The following ST6GALNAC3 variants were observed in gnomAD, a reference collection of about 807,000 sequenced individuals.
The protein encoded by ST6GALNAC3 is ST6 N-acetylgalactosaminide alpha-2,6-sialyltransferase 3, also known as alpha-N-acetylgalactosaminide alpha-2,6-sialyltransferase 3.
ST6GALNAC3 carries 25 observed loss-of-function variants against 32.7 expected under a neutral mutation model. That is an observed-to-expected ratio of 0.76 (90% CI 0.56 to 1.07). The LOEUF is 1.07. ST6GALNAC3 is among the 50% of genes least tolerant of loss of function. The probability of loss-of-function intolerance (pLI) is 0.00; values close to 1 mark genes in which losing one functional copy is unlikely to be tolerated. For synonymous variants in ST6GALNAC3, 129 were observed against 133.1 expected (o/e 0.97, Z 0.21); for missense variants, 355 against 382.4 (o/e 0.93, Z 0.60).
intron 1 of ST6GALNAC3, among the ~76,000 whole-genome samples, chr1:76,109,692 C>T (rs1352606502): frequency 6.6e-6 from 1 of 152,248 alleles, no homozygotes; most frequent in Non-Finnish European, 1.5e-5. Context: ...CTGGCATTGC[C>T]TGCCTGCCAG....
rs565513249 is a variant in ST6GALNAC3 at position 76,378,666 on chromosome 1, C to T, written c.214-33342C>T. On this transcript the variant is annotated intron_variant, in intron 2 of 4. Coordinates refer to ENST00000328299, the MANE Select transcript of ST6GALNAC3 (RefSeq NM_152996.4). ...AAGAAGAACGAAATTCCTTCCCCCC[C>T]CCAAAAAAAAAAATTAAAAATTTGC... is the stretch of plus-strand genomic sequence containing the variant. 3.4e-3 allele frequency among the ~76,000 whole-genome samples: 347 copies of T among 101,632 alleles called. 3 individuals are homozygous for T. The highest frequency in any genetic ancestry group is 0.012 in the African/African-American group (330 of 26,780). The allele number at this position is 101,632 out of a possible 152,430, so 66.7% of individuals were successfully genotyped here.
intron 2 of ST6GALNAC3, among the ~76,000 whole-genome samples, chr1:76,335,734 A>G (rs1259201706): frequency 2.0e-5 from 3 of 152,246 alleles, no homozygotes; most frequent in African/African-American, 7.2e-5. Flanking sequence ...TCCAATTACC[A>G]AACATTGCTC....
At chr1:76,313,244 C>A (rs1244192545) in intron 1 of ST6GALNAC3, among the ~76,000 whole-genome samples, 1 of 151,896 alleles carries the variant, frequency 6.6e-6, no homozygotes, top group Admixed American at 6.6e-5. Flanking sequence ...TCTTTGAATG[C>A]CTGTAGTATG....
intron 2 of ST6GALNAC3, among the ~76,000 whole-genome samples, chr1:76,382,355 A>G (rs554691478): frequency 6.6e-6 from 1 of 152,322 alleles, no homozygotes; most frequent in East Asian, 1.9e-4. Flanking sequence ...AATATGTGTA[A>G]GAAAATAGAT....
rs138318243 is a variant in ST6GALNAC3 at position 76,098,832 on chromosome 1, TAAG to T, written c.18+23952_18+23954del. ...ATTAATAATTGTTAAAATCCCTCCTTAAGAAGTCTTTCACTAGTTTGATTTCTT... is the reference window on the plus strand; with the variant it reads ...ATTAATAATTGTTAAAATCCCTCCTTAAGTCTTTCACTAGTTTGATTTCTT... On this transcript the variant is annotated intron_variant, in intron 1 of 4. Coordinates refer to ENST00000328299, the MANE Select transcript of ST6GALNAC3 (RefSeq NM_152996.4). Among the ~76,000 whole-genome samples, 776 of 152,278 alleles carry T rather than the reference TAAG, an allele frequency of 5.1e-3. 7 individuals carry two copies. Among genetic ancestry groups the T allele is most frequent in the African/African-American group, 0.018 (746 of 41,574 alleles).
intron 3 of ST6GALNAC3, chr1:76,577,070 T>C: frequency 8.8e-7 from 1 of 1,137,794 alleles, no homozygotes; most frequent in Admixed American, 3.8e-5. Context: ...GCATAATTAT[T>C]CAGGTATGAT....
intron 1 of ST6GALNAC3, among the ~76,000 whole-genome samples, chr1:76,225,937 T>C (rs1340490159): frequency 6.6e-6 from 1 of 152,202 alleles, no homozygotes; most frequent in Admixed American, 6.6e-5. Context: ...CCCAAAATAC[T>C]ACCAAATATT....
intron 2 of ST6GALNAC3, among the ~76,000 whole-genome samples, chr1:76,397,817 A>T (rs1251046882): frequency 6.6e-6 from 1 of 151,640 alleles, no homozygotes; most frequent in Non-Finnish European, 1.5e-5. Flanking sequence ...GTTTTTGCTG[A>T]TGTACTGTTG....
chr1:76,358,191 T>C (rs1185642412), intron 2 of ST6GALNAC3, among the ~76,000 whole-genome samples: 2 of 152,138 alleles, frequency 1.3e-5, no homozygotes, highest in African/African-American at 4.8e-5. Flanking sequence ...GATGCCCTAT[T>C]CTCAGTTCTG....
At chr1:76,310,858 A>G (rs1646748726) in intron 1 of ST6GALNAC3, among the ~76,000 whole-genome samples, 2 of 152,072 alleles carry the variant, frequency 1.3e-5, no homozygotes, top group Admixed American at 1.3e-4. Context: ...CTTGCTCTAG[A>G]CTTACCTTCC....
chr1:76,620,586 A>G (rs759582098), intron 3 of ST6GALNAC3, among the ~76,000 whole-genome samples: 2 of 151,998 alleles, frequency 1.3e-5, no homozygotes, highest in Non-Finnish European at 2.9e-5. Context: ...ACATGGTGGG[A>G]AGAGGGAGCA....
chr1:76,141,688 T>C (rs1282549050), intron 1 of ST6GALNAC3, among the ~76,000 whole-genome samples: 2 of 152,356 alleles, frequency 1.3e-5, no homozygotes, highest in African/African-American at 4.8e-5. Flanking sequence ...ACAAAGTTTT[T>C]GGGGAAATAA....
At chr1:76,338,035 T>C (rs1317109531) in intron 2 of ST6GALNAC3, among the ~76,000 whole-genome samples, 1 of 152,116 alleles carries the variant, frequency 6.6e-6, no homozygotes, top group Non-Finnish European at 1.5e-5. Flanking sequence ...ACCTTTTAGT[T>C]AGAAAGCCAA....
chr1:76,161,349 C>A (rs1410959452), intron 1 of ST6GALNAC3, among the ~76,000 whole-genome samples: 2 of 152,226 alleles, frequency 1.3e-5, no homozygotes, highest in Non-Finnish European at 2.9e-5. Flanking sequence ...TTCTTTGCAA[C>A]CCCGAGGTTT....
intron 2 of ST6GALNAC3, among the ~76,000 whole-genome samples, chr1:76,386,345 A>T (rs912911320): frequency 6.6e-5 from 10 of 152,178 alleles, no homozygotes; most frequent in Non-Finnish European, 1.5e-4. Context: ...TAATAATCAT[A>T]GGAACCCCAC....
intron 1 of ST6GALNAC3, among the ~76,000 whole-genome samples, chr1:76,120,555 A>G (rs149011151): frequency 2.1e-3 from 320 of 152,318 alleles, no homozygotes; most frequent in African/African-American, 7.2e-3. Flanking sequence ...CCCATTTTGC[A>G]GAAGACACTG....
chr1:76,441,730 T>C (rs2101509385), intron 3 of ST6GALNAC3, among the ~76,000 whole-genome samples: 1 of 152,276 alleles, frequency 6.6e-6, no homozygotes, highest in Middle Eastern at 3.4e-3. Flanking sequence ...TTCTAATTTT[T>C]TGTACCCATT....
At chr1:76,447,797 G>A (rs975008455) in intron 3 of ST6GALNAC3, among the ~76,000 whole-genome samples, 2 of 152,198 alleles carry the variant, frequency 1.3e-5, no homozygotes, top group African/African-American at 2.4e-5. Context: ...CAAGAATTGA[G>A]GTTTGGGAAC....
intron 3 of ST6GALNAC3, among the ~76,000 whole-genome samples, chr1:76,584,223 T>A (rs2100556826): frequency 6.6e-6 from 1 of 152,326 alleles, no homozygotes; most frequent in East Asian, 1.9e-4. Context: ...TGGGATGATG[T>A]CAGATGTTGA....
Sources: gnomAD v4.1 joint callset for allele counts (sites outside exome capture counted in the v4.1 genomes callset) on GRCh38, gnomAD v4.1.1 for gene constraint, MANE v1.5 for transcripts, NCBI Gene and HGNC (gene_info 2026-07-23, HGNC 2026-07-21) for gene names.